The following NTSR1 variants were observed in gnomAD, a reference collection of about 807,000 sequenced individuals.
NTSR1 encodes the protein neurotensin receptor type 1.
In NTSR1, 29 loss-of-function variants were observed where a neutral mutation model predicts 31.2. The ratio of observed to expected loss-of-function variants is 0.93; its 90% CI spans 0.69 to 1.27. The LOEUF (loss-of-function observed/expected upper bound fraction) is 1.27, where lower values mean the gene tolerates loss of function less well. NTSR1 is among the 50% of genes most tolerant of loss of function. The pLI is 0.00. For missense variants in NTSR1, 697 were observed against 595.4 expected (o/e 1.17, Z -1.78); for synonymous variants, 282 against 269.9 (o/e 1.04, Z -0.44).
At chr20:62,755,331 C>T in intron 2 of NTSR1, among the ~76,000 whole-genome samples, 1 of 113,222 alleles carries the variant, frequency 8.8e-6, no homozygotes, top group Non-Finnish European at 1.9e-5. Context: ...CTTCCTCCCT[C>T]CCTCCATCCA....
At chr20:62,722,850 T>C (rs944180918) in intron 1 of NTSR1, among the ~76,000 whole-genome samples, 3 of 152,360 alleles carry the variant, frequency 2.0e-5, no homozygotes, top group African/African-American at 7.2e-5. Flanking sequence ...CATCCGTAGA[T>C]TTTAAACACT....
chr20:62,738,468 G>A (rs1430955594), intron 1 of NTSR1, among the ~76,000 whole-genome samples: 1 of 152,248 alleles, frequency 6.6e-6, no homozygotes, highest in Non-Finnish European at 1.5e-5. Flanking sequence ...CTGCCGCTGC[G>A]TTCCTGCAGG....
Position 62,741,262 on chromosome 20 carries a change from G to A in NTSR1, c.715-13423G>A, listed in dbSNP as rs1989201407. Reference sequence around the variant, plus strand: ...CTCAGCCGGGCACAGACAGGATGTGGCTTCCAGGGGCTTCTGTTCTGCCAA... The same window carrying A: ...CTCAGCCGGGCACAGACAGGATGTGACTTCCAGGGGCTTCTGTTCTGCCAA... On this transcript the variant is annotated intron_variant, in intron 1 of 3. Coordinates refer to ENST00000370501, the MANE Select transcript of NTSR1 (RefSeq NM_002531.3). The surrounding 1 kb of genome is among the most constrained non-coding windows in gnomAD (Gnocchi z 4.3). Among the ~76,000 whole-genome samples the A allele has an allele frequency of 6.6e-6, 1 of 152,160 alleles. No homozygotes were observed. The highest frequency in any genetic ancestry group is 6.5e-5 in the Admixed American group (1 of 15,278).
At chr20:62,746,992 A>G (rs569854633) in intron 1 of NTSR1, among the ~76,000 whole-genome samples, 1 of 152,346 alleles carries the variant, frequency 6.6e-6, no homozygotes, top group East Asian at 1.9e-4. Flanking sequence ...AAAATCTTCA[A>G]CAAAATACTG....
intron 1 of NTSR1, among the ~76,000 whole-genome samples, chr20:62,721,905 G>A (rs59999138): frequency 0.017 from 2,598 of 152,224 alleles, 73 homozygotes; most frequent in African/African-American, 0.059. Flanking sequence ...GCCTCTGAGT[G>A]GACTCTGAGT....
chr20:62,739,918 CTG>C (rs1989172284), intron 1 of NTSR1, among the ~76,000 whole-genome samples: 1 of 152,268 alleles, frequency 6.6e-6, no homozygotes, highest in East Asian at 1.9e-4. Flanking sequence ...TTTTCCAAAT[CTG>C]TGCTCTGACA....
intron 1 of NTSR1, among the ~76,000 whole-genome samples, chr20:62,751,978 T>A (rs940594288): frequency 2.0e-5 from 3 of 152,198 alleles, no homozygotes; most frequent in Non-Finnish European, 2.9e-5. Context: ...CTCAGGTACA[T>A]CCCAGTGGCT....
Position 62,760,208 on chromosome 20 carries a change from G to C in NTSR1, c.1198G>C (p.Asp400His), listed in dbSNP as rs370016377. 1.2e-6 allele frequency: 2 copies of C among 1,613,620 alleles called. No homozygotes were observed. Among genetic ancestry groups the C allele is most frequent in the African/African-American group, 2.7e-5 (2 of 74,924 alleles). Reference sequence around the variant, plus strand: ...GAGGCCAGCCTTCTCGAGGAAGGCCGACAGCGTGTCCAGCAACCACACCCT... The same window carrying C: ...GAGGCCAGCCTTCTCGAGGAAGGCCCACAGCGTGTCCAGCAACCACACCCT... ...RKRPAFSRKADSVSSNHTLSS... is the reference protein window; with the variant it reads ...RKRPAFSRKAHSVSSNHTLSS... The change falls in exon 4 of 4, where the codon GAC becomes CAC. Residue 400 changes from aspartate to histidine, a missense_variant. Asp to His is a moderately conservative substitution (Grantham distance 81). Coordinates refer to ENST00000370501, the MANE Select transcript of NTSR1 (RefSeq NM_002531.3).
chr20:62,727,836 C>A (rs777283239), intron 1 of NTSR1, among the ~76,000 whole-genome samples: 1 of 152,366 alleles, frequency 6.6e-6, no homozygotes, highest in Non-Finnish European at 1.5e-5. Context: ...CAAGGGCAGG[C>A]GGGTATGGGT....
chr20:62,715,392 C>T lies in NTSR1; in HGVS notation c.714+5471C>T, dbSNP rs554437083. On this transcript the variant is annotated intron_variant, in intron 1 of 3. Transcript: ENST00000370501. The surrounding 1 kb of genome is among the most constrained non-coding windows in gnomAD (Gnocchi z 4.7). ...AGGGCAGAGCCACCTGTGCACATCA[C>T]GTGGCTGGAGAGAGACAGGGCCTGG... is the stretch of plus-strand genomic sequence containing the variant. 2.0e-5 allele frequency among the ~76,000 whole-genome samples: 3 copies of T among 152,310 alleles called. No individual in the cohort carries two copies. The highest frequency in any genetic ancestry group is 2.1e-4 in the South Asian group (1 of 4,820).
rs1205145023 is a variant in NTSR1 at position 62,715,892 on chromosome 20, AGGGCCCT to A, written c.714+5976_714+5982del. Among the ~76,000 whole-genome samples the A allele has an allele frequency of 2.0e-5, 3 of 152,162 alleles. No individual in the cohort carries two copies. The highest frequency in any genetic ancestry group is 4.4e-5 in the Non-Finnish European group (3 of 68,030). The stretch of plus-strand genomic sequence containing the variant: ...TGGTAACATCTGATGATGGGCAGAG[AGGGCCCT>A]GGGCTGAGCAGGGCCCGAGAGGACG... On this transcript the variant is annotated intron_variant, in intron 1 of 3. Coordinates refer to ENST00000370501, the MANE Select transcript of NTSR1 (RefSeq NM_002531.3). This position sits in a 1 kb window ranked among gnomAD's most constrained non-coding sequence, Gnocchi z 4.7.
rs553572505 is a variant in NTSR1 at position 62,743,299 on chromosome 20, C to T, written c.715-11386C>T. Among the ~76,000 whole-genome samples the T allele has an allele frequency of 6.0e-5, 9 of 149,740 alleles. 2 individuals are homozygous for T. The East Asian group carries it at 2.0e-3, about 33-fold the overall frequency. On this transcript the variant is annotated intron_variant, in intron 1 of 3. Coordinates refer to ENST00000370501, the MANE Select transcript of NTSR1 (RefSeq NM_002531.3). This position sits in a 1 kb window ranked among gnomAD's most constrained non-coding sequence, Gnocchi z 7.5. ...CATTGGGGTTTCGAACAAGCCTGTG[C>T]TGACGGCCCTGGCACACAGGGTTTC... is the stretch of plus-strand genomic sequence containing the variant.
rs939917703 is a variant in NTSR1 at position 62,715,924 on chromosome 20, G to A, written c.714+6003G>A. On this transcript the variant is annotated intron_variant, in intron 1 of 3. Coordinates refer to ENST00000370501, the MANE Select transcript of NTSR1 (RefSeq NM_002531.3). This position sits in a 1 kb window ranked among gnomAD's most constrained non-coding sequence, Gnocchi z 4.7. ...TGGGCTGAGCAGGGCCCGAGAGGAC[G>A]TCCGACCTGTGCACGAACCAGAGGC... Among the ~76,000 whole-genome samples, 7 of 152,168 alleles carry A rather than the reference G, an allele frequency of 4.6e-5. No homozygotes were observed. Among genetic ancestry groups the A allele is most frequent in the African/African-American group, 1.2e-4 (5 of 41,450 alleles).
chr20:62,724,705 A>C (rs1276236496), intron 1 of NTSR1, among the ~76,000 whole-genome samples: 3 of 152,206 alleles, frequency 2.0e-5, no homozygotes, highest in Non-Finnish European at 4.4e-5. Flanking sequence ...GCAGAGGCTC[A>C]AAACACAGAA....
rs1273162514 is a variant in NTSR1, at chr20:62,760,231, C to G, written c.1221C>G (p.Thr407=). Residue 407 remains threonine (T), a synonymous_variant, in exon 4 of 4, where the codon ACC becomes ACG. Transcript: ENST00000370501. ...RKADSVSSNH[T]LSSNATRETL... Reference sequence around the variant, plus strand: ...CCGACAGCGTGTCCAGCAACCACACCCTCTCCAGCAATGCCACCCGCGAGA... The same window carrying G: ...CCGACAGCGTGTCCAGCAACCACACGCTCTCCAGCAATGCCACCCGCGAGA... The G allele has an allele frequency of 6.2e-7, 1 of 1,613,302 alleles. No homozygotes were observed. Among genetic ancestry groups the G allele is most frequent in the East Asian group, 2.2e-5 (1 of 44,868 alleles).
chr20:62,721,149 G>C (rs1988821796), intron 1 of NTSR1, among the ~76,000 whole-genome samples: 1 of 152,182 alleles, frequency 6.6e-6, no homozygotes, highest in Non-Finnish European at 1.5e-5. Flanking sequence ...GTTGGATAGT[G>C]TTATAGTATT....
intron 1 of NTSR1, among the ~76,000 whole-genome samples, chr20:62,718,422 T>G (rs1477522487): frequency 6.6e-6 from 1 of 152,156 alleles, no homozygotes; most frequent in Non-Finnish European, 1.5e-5. Context: ...ATTTTTCGAC[T>G]GACAGGCAAT....
chr20:62,736,676 C>G (rs1159245909), intron 1 of NTSR1, among the ~76,000 whole-genome samples: 1 of 152,230 alleles, frequency 6.6e-6, no homozygotes, highest in Non-Finnish European at 1.5e-5. Flanking sequence ...CAAGCTGAGA[C>G]CCTCCTCTGT....
chr20:62,709,905 T>C lies in NTSR1; in HGVS notation c.698T>C (p.Val233Ala), dbSNP rs1265864864. 6.3e-7 allele frequency: 1 copy of C among 1,594,168 alleles called. No homozygotes were observed. Among genetic ancestry groups the C allele is most frequent in the Non-Finnish European group, 8.6e-7 (1 of 1,167,396 alleles). Residue 233 changes from valine (V) to alanine (A), a missense_variant, in exon 1 of 4, where the codon GTC (valine) becomes GCC (alanine). Transcript: ENST00000370501. ...VCTPTIHTAT[V>A]KVVIQVNTFM... Reference sequence around the variant, plus strand: ...ACCCCCACCATCCACACTGCCACCGTCAAGGTCGTCATACAGGTGAGCCTC... The same window carrying C: ...ACCCCCACCATCCACACTGCCACCGCCAAGGTCGTCATACAGGTGAGCCTC...
Sources: gnomAD v4.1 joint callset for allele counts (sites outside exome capture counted in the v4.1 genomes callset) on GRCh38, gnomAD v4.1.1 for gene constraint, Gnocchi (gnomAD v3.1) non-coding constraint, MANE v1.5 for transcripts, NCBI Gene and HGNC (gene_info 2026-07-23, HGNC 2026-07-21) for gene names.